Variants in TSPAN12 observed in about 807,000 individuals in gnomAD.
The protein encoded by TSPAN12 is tetraspanin 12.
TSPAN12 carries 19 observed loss-of-function variants against 39.2 expected under a neutral mutation model. That is an observed-to-expected ratio of 0.49 (90% CI 0.34 to 0.71). The LOEUF is 0.71. Ranked by LOEUF, TSPAN12 falls within the 30% of genes least tolerant of loss-of-function variation. TSPAN12 has a pLI of 0.01. For synonymous variants in TSPAN12, 119 were observed against 124.8 expected, an observed-to-expected ratio of 0.95 and a Z score of 0.31; for missense variants, 314 against 359.9, an observed-to-expected ratio of 0.87 and a Z score of 1.03.
In TSPAN12 at chr7:120,806,549, C is replaced by T. The variant is rs755636404; in HGVS notation, c.612G>A (p.Glu204=). Residue 204 remains glutamate (E), a splice_region_variant and synonymous_variant, in exon 7 of 8, where the codon GAG becomes GAA. Coordinates refer to ENST00000222747, the MANE Select transcript of TSPAN12 (RefSeq NM_012338.4). ...HQEDLSDLYQ[E]GCGKKMYSFL... Reference sequence around the variant, plus strand: ...ATAAATTAACCATATATGGCCTCACCTCTTGATAAAGGTCACTGAGATCTT... The same window carrying T: ...ATAAATTAACCATATATGGCCTCACTTCTTGATAAAGGTCACTGAGATCTT... The T allele has an allele frequency of 5.6e-6, 9 of 1,612,904 alleles. No homozygotes were observed.
chr7:120,799,933 T>C (rs906914938), intron 7 of TSPAN12, among the ~76,000 whole-genome samples: 4 of 145,748 alleles, frequency 2.7e-5, no homozygotes, highest in Non-Finnish European at 4.5e-5. Flanking sequence ...TTTATTATAA[T>C]AGAATGTTGT....
At chr7:120,814,179 T>C (rs1464284324) in intron 5 of TSPAN12, 1 of 456,626 alleles carries the variant, frequency 2.2e-6, no homozygotes, top group South Asian at 1.5e-5. Flanking sequence ...CAAAGAATCT[T>C]TGAAGACTAC....
In TSPAN12 at chr7:120,841,666, T is replaced by C. The variant is rs577101651; in HGVS notation, c.67-1557A>G. On this transcript the variant is annotated intron_variant, in intron 2 of 7. Coordinates refer to ENST00000222747, the MANE Select transcript of TSPAN12 (RefSeq NM_012338.4). ...TTAAAAGGTCTTTATTTTCTAGACT[T>C]ATATACTGAAGTAATTTTAAATGAA... is the stretch of plus-strand genomic sequence containing the variant. 1.7e-3 allele frequency among the ~76,000 whole-genome samples: 255 copies of C among 152,334 alleles called. 2 individuals carry two copies. The highest frequency in any genetic ancestry group is 5.9e-3 in the African/African-American group (247 of 41,590).
At chr7:120,853,925 A>G (rs377036196) in intron 2 of TSPAN12, among the ~76,000 whole-genome samples, 15 of 152,202 alleles carry the variant, frequency 9.9e-5, no homozygotes, top group African/African-American at 3.6e-4. Flanking sequence ...AGAATATAGA[A>G]AAGTTTGTTT....
intron 4 of TSPAN12, among the ~76,000 whole-genome samples, chr7:120,826,687 G>C (rs1794293967): frequency 6.6e-6 from 1 of 152,056 alleles, no homozygotes; most frequent in Admixed American, 6.6e-5. Context: ...CCAAACAAAA[G>C]AGGGGAATGA....
chr7:120,801,119 AT>A (rs554806873), intron 7 of TSPAN12, among the ~76,000 whole-genome samples: 5 of 150,016 alleles, frequency 3.3e-5, no homozygotes, highest in South Asian at 2.1e-4. Context: ...TCATTAAATG[AT>A]TTTTTTTTTC....
rs1317864819 is a variant in TSPAN12 at position 120,856,684 on chromosome 7, T to C, written c.66+14A>G. The C allele has an allele frequency of 1.9e-6, 3 of 1,614,154 alleles. No homozygotes were observed. Among genetic ancestry groups the C allele is most frequent in the Admixed American group, 3.3e-5 (2 of 60,028 alleles). ...CAGCCGTTCCCACCTGTTGGTGCAG[T>C]GAAACTTACTTACCCAAAAGAGCAG... On this transcript the variant is annotated intron_variant, in intron 2 of 7. Transcript: ENST00000222747.
intron 2 of TSPAN12, among the ~76,000 whole-genome samples, chr7:120,842,122 A>G (rs1010775176): frequency 3.5e-4 from 53 of 152,214 alleles, no homozygotes; most frequent in Admixed American, 3.0e-3. Flanking sequence ...TGCTGATACA[A>G]TGAATATACA....
chr7:120,838,154 T>G (rs1794513093), intron 4 of TSPAN12, among the ~76,000 whole-genome samples: 1 of 152,236 alleles, frequency 6.6e-6, no homozygotes, highest in African/African-American at 2.4e-5. Context: ...TCTAAAAATA[T>G]CTATATAAAC....
chr7:120,845,840 T>C (rs1327522551), intron 2 of TSPAN12, among the ~76,000 whole-genome samples: 1 of 152,248 alleles, frequency 6.6e-6, no homozygotes, highest in African/African-American at 2.4e-5. Flanking sequence ...AATTTCTGCC[T>C]GTTACTGAGT....
chr7:120,831,184 T>C (rs185615338), intron 4 of TSPAN12, among the ~76,000 whole-genome samples: 123 of 152,144 alleles, frequency 8.1e-4, no homozygotes, highest in Non-Finnish European at 4.1e-4. Flanking sequence ...AAAATCCTGG[T>C]ACACTGTTTG....
intron 4 of TSPAN12, among the ~76,000 whole-genome samples, chr7:120,818,842 T>G (rs895044391): frequency 6.6e-6 from 1 of 152,114 alleles, no homozygotes; most frequent in East Asian, 1.9e-4. Context: ...GGCCTTACTT[T>G]AAAGATTTCA....
intron 7 of TSPAN12, among the ~76,000 whole-genome samples, chr7:120,803,779 G>A (rs916516065): frequency 6.6e-6 from 1 of 152,026 alleles, no homozygotes; most frequent in African/African-American, 2.4e-5. Flanking sequence ...ACAATAGTAT[G>A]GCTTGTTTCA....
At chr7:120,822,339 C>A (rs1188086235) in intron 4 of TSPAN12, among the ~76,000 whole-genome samples, 1 of 151,920 alleles carries the variant, frequency 6.6e-6, no homozygotes, top group South Asian at 2.1e-4. Flanking sequence ...GATACCACCA[C>A]CCCCTAGGAT....
chr7:120,804,978 T>G (rs1793842168), intron 7 of TSPAN12, among the ~76,000 whole-genome samples: 1 of 152,052 alleles, frequency 6.6e-6, no homozygotes, highest in South Asian at 2.1e-4. Context: ...TCAGAAGGAA[T>G]CAACCCTGCT....
rs1348776489 is a variant in TSPAN12, at chr7:120,840,118, A to C, written c.67-9T>G. The C allele has an allele frequency of 6.2e-7, 1 of 1,603,494 alleles. No homozygotes were observed. Reference sequence around the variant, plus strand: ...ACACTGATGGACATTAACTGGGGAGAAAAAAGTACAAACCGGTTACCAAAG... The same window carrying C: ...ACACTGATGGACATTAACTGGGGAGCAAAAAGTACAAACCGGTTACCAAAG... On this transcript the variant is annotated splice_polypyrimidine_tract_variant and intron_variant, in intron 2 of 7. Coordinates refer to ENST00000222747, the MANE Select transcript of TSPAN12 (RefSeq NM_012338.4).
In TSPAN12 at chr7:120,799,354, C is replaced by T. The variant is rs146769368; in HGVS notation, c.612+7195G>A. ...CAACACTCTGTCAGATCTCCACTTA[C>T]GGCTCAGGAGTGATGAGGAAACATT... is the stretch of plus-strand genomic sequence containing the variant. On this transcript the variant is annotated intron_variant, in intron 7 of 7. Transcript: ENST00000222747. Among the ~76,000 whole-genome samples the T allele has an allele frequency of 4.2e-4, 63 of 148,974 alleles. No homozygotes were observed. In the East Asian group the frequency reaches 6.6e-3, roughly 16 times the overall value.
chr7:120,819,598 A>T (rs1332374063), intron 4 of TSPAN12, among the ~76,000 whole-genome samples: 2 of 152,162 alleles, frequency 1.3e-5, no homozygotes, highest in African/African-American at 4.8e-5. Flanking sequence ...GAATAAATTA[A>T]ATTTAAAATT....
chr7:120,848,748 A>G (rs1309002769), intron 2 of TSPAN12, among the ~76,000 whole-genome samples: 1 of 152,238 alleles, frequency 6.6e-6, no homozygotes, highest in Non-Finnish European at 1.5e-5. Context: ...TGGGAATAAA[A>G]TGGCTTTTTC....
Sources: allele counts gnomAD v4.1 joint callset (sites outside exome capture counted in the v4.1 genomes callset), GRCh38; gene constraint gnomAD v4.1.1; transcripts MANE v1.5; gene names NCBI Gene and HGNC (gene_info 2026-07-23, HGNC 2026-07-21).